The following NCOR2 variants were observed in gnomAD, a reference collection of about 807,000 sequenced individuals.
The protein encoded by NCOR2 is CTG repeat protein 26.
A neutral mutation model predicts 262.9 loss-of-function variants in NCOR2; 81 were observed. That is an observed-to-expected ratio of 0.31 (90% CI 0.26 to 0.37). NCOR2 has a LOEUF of 0.37. Among genes scored for constraint, NCOR2 ranks in the 10% least tolerant of loss-of-function variants. The pLI, the probability that NCOR2 is intolerant of heterozygous loss-of-function variation, is 1.00. For synonymous variants in NCOR2, 1,659 were observed against 1,559.3 expected (o/e 1.06, Z -1.51); for missense variants, 3,385 against 3,621.4 (o/e 0.93, Z 1.68).
chr12:124,409,808 G>T (rs2042467696), intron 13 of NCOR2, among the ~76,000 whole-genome samples: 1 of 152,046 alleles, frequency 6.6e-6, no homozygotes, highest in Admixed American at 6.5e-5. Flanking sequence ...CTCCCAAGAA[G>T]CTCGGACCAC....
chr12:124,449,120 A>G (rs1305392263), intron 7 of NCOR2, among the ~76,000 whole-genome samples: 2 of 152,142 alleles, frequency 1.3e-5, no homozygotes, highest in Non-Finnish European at 2.9e-5. Context: ...CCCAAGAAAA[A>G]GCCAGCCCCC....
At chr12:124,340,225 C>T (rs1177402199) in intron 36 of NCOR2, 21 bp from the exon 39 acceptor site, 1 of 1,605,656 alleles carries the variant, frequency 6.2e-7, no homozygotes, top group African/African-American at 1.3e-5. Flanking sequence ...TCAGTGGCAT[C>T]AGCAGGGGGA....
chr12:124,429,494 C>G, intron 10 of NCOR2, 119 bp downstream of exon 12: 1 of 1,061,860 alleles, frequency 9.4e-7, no homozygotes, highest in Non-Finnish European at 1.4e-6. Flanking sequence ...ACCCGCGCTT[C>G]GGTGGCAAAG....
intron 1 of NCOR2, among the ~76,000 whole-genome samples, chr12:124,543,135 G>A (rs1217631232): frequency 6.6e-6 from 1 of 152,172 alleles, no homozygotes; most frequent in Non-Finnish European, 1.5e-5. Flanking sequence ...AAGGGGGCTG[G>A]CAGCATGGAT....
intron 3 of NCOR2, among the ~76,000 whole-genome samples, chr12:124,479,710 C>T (rs550898051): frequency 6.6e-6 from 1 of 152,350 alleles, no homozygotes; most frequent in African/African-American, 2.4e-5. Context: ...CAAAACAAAA[C>T]AAAAGAGGAG....
chr12:124,429,779 G>A lies in NCOR2; in HGVS notation c.1056-73C>T, dbSNP rs2043810075. On this transcript the variant is annotated intron_variant, in intron 9 of 46. Coordinates refer to ENST00000405201, the Ensembl canonical transcript of NCOR2. ...GACACTAGCAGACCCCTGTGGCGCA[G>A]CCCTGAGCCCACGCCCTCCCCAGAG... 3 of 1,389,114 alleles carry A rather than the reference G, an allele frequency of 2.2e-6. No homozygotes were observed. The South Asian group carries it at 3.7e-5, about 17-fold the overall frequency. 86.0% of individuals were successfully genotyped at this position (1,389,114 alleles called of 1,614,324 possible).
At chr12:124,384,873 A>G (rs2040679550) in intron 17 of NCOR2, among the ~76,000 whole-genome samples, 1 of 151,880 alleles carries the variant, frequency 6.6e-6, no homozygotes, top group South Asian at 2.1e-4. Flanking sequence ...GTGCTTCTGT[A>G]TCGATGAGGA....
intron 14 of NCOR2, 101 bp downstream of exon 16, chr12:124,402,303 G>C (rs1245393644): frequency 6.4e-7 from 1 of 1,557,310 alleles, no homozygotes; most frequent in Non-Finnish European, 8.7e-7. Context: ...ACAGGCAATT[G>C]GTGGGCACCC....
Position 124,566,647 on chromosome 12 carries a change from G to A in NCOR2, c.-165+661C>T, listed in dbSNP as rs2052249482. Among the ~76,000 whole-genome samples, 1 of 152,226 alleles carries A rather than the reference G, an allele frequency of 6.6e-6. No homozygotes were observed. The highest frequency in any genetic ancestry group is 1.5e-5 in the Non-Finnish European group (1 of 68,032). On this transcript the variant is annotated intron_variant, in intron 1 of 32. Transcript: ENST00000458234. The surrounding 1 kb of genome is among the most constrained non-coding windows in gnomAD (Gnocchi z 4.3). ...ATCCCAAGTATCCGCACAGCCCGGG[G>A]GAGGGACTAGGAGGCGGCCCAATGA...
intron 1 of NCOR2, among the ~76,000 whole-genome samples, chr12:124,501,138 C>G (rs978500129): frequency 1.3e-5 from 2 of 151,546 alleles, no homozygotes; most frequent in African/African-American, 4.9e-5. Flanking sequence ...TCTGAGAAGC[C>G]CAAGGCACAA....
chr12:124,457,075 C>A lies in NCOR2; in HGVS notation c.762+31G>T. ...ACCTCTCCAGCCACCCCCGCCCTCCCCTGAGCCCCTGACCCTGTACCCCAG... is the reference window on the plus strand; with the variant it reads ...ACCTCTCCAGCCACCCCCGCCCTCCACTGAGCCCCTGACCCTGTACCCCAG... On this transcript the variant is annotated intron_variant, in intron 6 of 46. Transcript: ENST00000405201. The surrounding 1 kb of genome is among the most constrained non-coding windows in gnomAD (Gnocchi z 4.0). 1.4e-6 allele frequency: 2 copies of A among 1,478,796 alleles called. No homozygotes were observed. The highest frequency in any genetic ancestry group is 2.6e-5 in the South Asian group (2 of 76,620). 91.6% of individuals were successfully genotyped at this position (1,478,796 alleles called of 1,614,324 possible).
rs977432828 is a variant in NCOR2, at chr12:124,426,505, T to C, written c.1328+117A>G. The C allele has an allele frequency of 4.0e-6, 4 of 998,352 alleles. No individual in the cohort carries two copies. In the Admixed American group the frequency reaches 1.3e-4, roughly 33 times the overall value. The allele number at this position is 998,352 out of a possible 1,614,324, so 61.8% of individuals were successfully genotyped here. On this transcript the variant is annotated intron_variant, in intron 11 of 46. Coordinates refer to ENST00000405201, the Ensembl canonical transcript of NCOR2. ...CCACAACCAGGAGAGAGTAAATCCCTGCGGTTTTAAGCACCCCCCGGCATG... is the reference window on the plus strand; with the variant it reads ...CCACAACCAGGAGAGAGTAAATCCCCGCGGTTTTAAGCACCCCCCGGCATG...
In NCOR2 at chr12:124,457,434, C is replaced by A. The variant is rs2045938862; in HGVS notation, c.706-272G>T. ...GGGTCCACTGAAGCCTGCTCCCCGGCAGGCGCGCAGGCCTCGCTCCCCCAG... is the reference window on the plus strand; with the variant it reads ...GGGTCCACTGAAGCCTGCTCCCCGGAAGGCGCGCAGGCCTCGCTCCCCCAG... On this transcript the variant is annotated intron_variant, in intron 5 of 46. Transcript: ENST00000405201. This position sits in a 1 kb window ranked among gnomAD's most constrained non-coding sequence, Gnocchi z 4.0. Among the ~76,000 whole-genome samples, 2 of 152,154 alleles carry A rather than the reference C, an allele frequency of 1.3e-5. No individual in the cohort carries two copies. The highest frequency in any genetic ancestry group is 2.9e-5 in the Non-Finnish European group (2 of 68,026).
exon 21 of NCOR2, chr12:124,363,764 G>A: frequency 7.2e-7 from 1 of 1,384,936 alleles, no homozygotes; most frequent in Non-Finnish European, 9.4e-7. Context: ...GGGGTCGCCA[G>A]TCGGGGTGAG....
intron 16 of NCOR2, among the ~76,000 whole-genome samples, chr12:124,386,360 AC>A (rs1238842709): frequency 6.6e-6 from 1 of 151,878 alleles, no homozygotes; most frequent in African/African-American, 2.4e-5. Flanking sequence ...TTCCGGCCAC[AC>A]CGGCCCAGCG....
intron 5 of NCOR2, among the ~76,000 whole-genome samples, chr12:124,458,591 C>T (rs953889925): frequency 2.0e-5 from 3 of 152,218 alleles, no homozygotes; most frequent in African/African-American, 7.2e-5. Flanking sequence ...ATGAGCCAAG[C>T]GTCGGGCATA....
chr12:124,501,933 G>T (rs1413438583), intron 1 of NCOR2, among the ~76,000 whole-genome samples: 1 of 152,224 alleles, frequency 6.6e-6, no homozygotes, highest in Non-Finnish European at 1.5e-5. Flanking sequence ...CGGCCCGGGG[G>T]GAACTCTGGG....
chr12:124,339,204 C>T (rs970162247), intron 37 of NCOR2, among the ~76,000 whole-genome samples: 12 of 144,238 alleles, frequency 8.3e-5, no homozygotes, highest in Non-Finnish European at 1.5e-4. Flanking sequence ...ACCTACCTAA[C>T]CCGATCTACC....
chr12:124,420,126 C>T, intron 12 of NCOR2, 71 bp from the exon 15 acceptor site: 1 of 1,297,746 alleles, frequency 7.7e-7, no homozygotes, highest in South Asian at 1.2e-5. Context: ...CAGGAGCTCA[C>T]ATCCTGGGCT....
Sources: allele counts gnomAD v4.1 joint callset (sites outside exome capture counted in the v4.1 genomes callset), GRCh38; gene constraint gnomAD v4.1.1; non-coding constraint Gnocchi (gnomAD v3.1); transcripts MANE v1.5; gene names NCBI Gene and HGNC (gene_info 2026-07-23, HGNC 2026-07-21).